Variants in TMEM117 observed in about 807,000 individuals in gnomAD.
TMEM117 encodes the protein transmembrane protein 117.
Under a neutral mutation model 52.4 loss-of-function variants are expected in TMEM117, and 27 were observed. The ratio of observed to expected loss-of-function variants is 0.51; its 90% confidence interval spans 0.38 to 0.71. The LOEUF (loss-of-function observed/expected upper bound fraction) is 0.71, where lower values mean the gene tolerates loss of function less well. Among genes scored for constraint, TMEM117 ranks in the 30% least tolerant of loss-of-function variants. The pLI, the probability that TMEM117 is intolerant of heterozygous loss-of-function variation, is 0.00. For synonymous variants in TMEM117, 215 were observed against 206.3 expected, an observed-to-expected ratio of 1.04 and a Z score of -0.36; for missense variants, 556 against 630.5, an observed-to-expected ratio of 0.88 and a Z score of 1.26.
chr12:44,289,595 T>G (rs1950679475), intron 5 of TMEM117, among the ~76,000 whole-genome samples: 1 of 141,708 alleles, frequency 7.1e-6, no homozygotes, highest in South Asian at 2.4e-4. Context: ...CTCTGTTACC[T>G]AGGCTGGAGT....
chr12:43,873,720 T>C (rs1003967542), intron 2 of TMEM117, among the ~76,000 whole-genome samples: 13 of 152,078 alleles, frequency 8.5e-5, no homozygotes, highest in African/African-American at 3.1e-4. Flanking sequence ...TTTCGTTTTA[T>C]TTTATTTTAT....
At chr12:44,195,362 A>G (rs1175681387) in intron 4 of TMEM117, among the ~76,000 whole-genome samples, 1 of 152,166 alleles carries the variant, frequency 6.6e-6, no homozygotes, top group Non-Finnish European at 1.5e-5. Flanking sequence ...CTAGCTTCCA[A>G]TATCGCTGAC....
chr12:44,366,172 C>T (rs989472466), intron 6 of TMEM117, among the ~76,000 whole-genome samples: 15 of 151,964 alleles, frequency 9.9e-5, no homozygotes, highest in Admixed American at 3.3e-4. Flanking sequence ...GAAATGTAGA[C>T]GTCACATTCA....
chr12:44,088,897 A>G (rs1947616940), intron 3 of TMEM117, among the ~76,000 whole-genome samples: 1 of 152,212 alleles, frequency 6.6e-6, no homozygotes, highest in South Asian at 2.1e-4. Context: ...AAAAGTATCA[A>G]ACACTATATG....
chr12:44,261,124 TA>T (rs55764226), intron 5 of TMEM117, among the ~76,000 whole-genome samples: 11,123 of 152,162 alleles, frequency 0.073, 575 homozygotes, highest in Middle Eastern at 0.16. Context: ...AACATTTTTT[TA>T]AAAAAATCAA....
At chr12:44,323,866 T>G (rs1951164269) in intron 6 of TMEM117, among the ~76,000 whole-genome samples, 2 of 152,156 alleles carry the variant, frequency 1.3e-5, no homozygotes, top group Non-Finnish European at 2.9e-5. Flanking sequence ...TATTCTTTTT[T>G]TCCTGCAATT....
intron 3 of TMEM117, among the ~76,000 whole-genome samples, chr12:44,035,688 TG>T (rs1946699750): frequency 6.6e-6 from 1 of 152,230 alleles, no homozygotes; most frequent in South Asian, 2.1e-4. Flanking sequence ...ATTAATGTAT[TG>T]AATCTGGCTT....
chr12:43,894,467 A>G (rs954528022), intron 2 of TMEM117, among the ~76,000 whole-genome samples: 10 of 151,912 alleles, frequency 6.6e-5, no homozygotes, highest in African/African-American at 1.9e-4. Flanking sequence ...AACATGTGTC[A>G]TGGGGGTTGG....
chr12:44,261,237 G>A (rs1373821168), intron 5 of TMEM117, among the ~76,000 whole-genome samples: 7 of 152,132 alleles, frequency 4.6e-5, no homozygotes, highest in African/African-American at 9.7e-5. Context: ...GTGGCTTATC[G>A]CTATCTCAGA....
At chr12:44,031,028 C>T (rs75931944) in intron 3 of TMEM117, among the ~76,000 whole-genome samples, 3,108 of 152,106 alleles carry the variant, frequency 0.02, 63 homozygotes, top group African/African-American at 0.058. Context: ...TAGGGTCAAA[C>T]GAATTAAGAT....
chr12:44,257,034 G>A (rs1950267712), intron 5 of TMEM117, among the ~76,000 whole-genome samples: 1 of 149,676 alleles, frequency 6.7e-6, no homozygotes, highest in African/African-American at 2.5e-5. Context: ...TTCACATAAA[G>A]GAAGAAAGGA....
At chr12:44,079,650 A>G (rs951992622) in intron 3 of TMEM117, among the ~76,000 whole-genome samples, 13 of 152,208 alleles carry the variant, frequency 8.5e-5, no homozygotes, top group African/African-American at 3.1e-4. Context: ...TTATCTCAAC[A>G]TAAGATTTTA....
At chr12:44,199,254 T>C (rs960188759) in intron 4 of TMEM117, among the ~76,000 whole-genome samples, 4 of 152,188 alleles carry the variant, frequency 2.6e-5, no homozygotes, top group African/African-American at 9.6e-5. Context: ...GTAAAAGTTC[T>C]CAAACATTAG....
chr12:44,035,977 T>TGATAGAA (rs2137882164), intron 3 of TMEM117, among the ~76,000 whole-genome samples: 1 of 152,288 alleles, frequency 6.6e-6, no homozygotes, highest in South Asian at 2.1e-4. Flanking sequence ...TAGAAGGACA[T>TGATAGAA]ATCTCATTCT....
intron 2 of TMEM117, among the ~76,000 whole-genome samples, chr12:43,939,419 C>A (rs541820392): frequency 6.6e-6 from 1 of 152,142 alleles, no homozygotes; most frequent in South Asian, 2.1e-4. Context: ...ATACTTTTTC[C>A]TCTAAATTAA....
chr12:43,796,948 A>C, the TMEM117 span: 4 of 1,602,336 alleles, frequency 2.5e-6, no homozygotes, highest in Non-Finnish European at 3.4e-6. Flanking sequence ...TTTAGCAAAA[A>C]CTGAAGATTT....
intron 6 of TMEM117, among the ~76,000 whole-genome samples, chr12:44,314,333 T>C (rs1951027298): frequency 6.6e-6 from 1 of 152,188 alleles, no homozygotes; most frequent in African/African-American, 2.4e-5. Context: ...AAAAGCCTTT[T>C]ATACTTCTAT....
intron 4 of TMEM117, among the ~76,000 whole-genome samples, chr12:44,178,296 C>T (rs1217059457): frequency 6.6e-6 from 1 of 152,202 alleles, no homozygotes; most frequent in Non-Finnish European, 1.5e-5. Context: ...AGCCATGCCA[C>T]TCCCATTGTG....
intron 5 of TMEM117, among the ~76,000 whole-genome samples, chr12:44,222,248 C>T (rs1199569653): frequency 6.6e-6 from 1 of 152,116 alleles, no homozygotes; most frequent in African/African-American, 2.4e-5. Context: ...ACTGCTGGGA[C>T]CTAAAGGGTC....
Sources: allele counts gnomAD v4.1 joint callset (sites outside exome capture counted in the v4.1 genomes callset), GRCh38; gene constraint gnomAD v4.1.1; transcripts MANE v1.5; gene names NCBI Gene and HGNC (gene_info 2026-07-23, HGNC 2026-07-21).